EYS: variants seen among roughly 807,000 people sequenced by gnomAD.
EYS encodes the protein protein eyes shut homolog.
Under a neutral mutation model 282.1 loss-of-function variants are expected in EYS, and 250 were observed. That is an observed-to-expected ratio of 0.89 (90% CI 0.80 to 0.98). The LOEUF (loss-of-function observed/expected upper bound fraction) is 0.98. Ranked by LOEUF, EYS falls within the 50% of genes least tolerant of loss-of-function variation. The probability of loss-of-function intolerance (pLI) is 0.00; values close to 1 mark genes in which losing one functional copy is unlikely to be tolerated. For synonymous variants in EYS, 1,355 were observed against 1,282.9 expected (o/e 1.06, Z -1.20); for missense variants, 4,016 against 3,709.0 (o/e 1.08, Z -2.15).
chr6:64,607,670 G>C (rs1036930386), intron 24 of EYS, among the ~76,000 whole-genome samples: 1 of 152,084 alleles, frequency 6.6e-6, no homozygotes, highest in Non-Finnish European at 1.5e-5. Flanking sequence ...GGCCATAACA[G>C]AATAGATAAG....
chr6:65,173,056 G>A (rs1765142618), intron 12 of EYS, among the ~76,000 whole-genome samples: 1 of 151,118 alleles, frequency 6.6e-6, no homozygotes, highest in Non-Finnish European at 1.5e-5. Context: ...AGAATGTACA[G>A]CTTTATCAAG....
At chr6:64,529,173 T>A (rs1179940395) in intron 26 of EYS, among the ~76,000 whole-genome samples, 1 of 152,068 alleles carries the variant, frequency 6.6e-6, no homozygotes, top group Admixed American at 6.6e-5. Context: ...AACAAAGTAA[T>A]CCATGCCTAA....
At chr6:65,252,524 T>G (rs1767352803) in intron 12 of EYS, among the ~76,000 whole-genome samples, 1 of 151,936 alleles carries the variant, frequency 6.6e-6, no homozygotes, top group Non-Finnish European at 1.5e-5. Flanking sequence ...TTAAATAAGA[T>G]CCAGCGTCTC....
chr6:63,913,517 T>C (rs1365284152), intron 35 of EYS, among the ~76,000 whole-genome samples: 2 of 152,228 alleles, frequency 1.3e-5, no homozygotes, highest in Non-Finnish European at 2.9e-5. Flanking sequence ...TCCTTAGTTT[T>C]AGGCAACTAC....
chr6:65,382,560 CT>C (rs1562139330), intron 8 of EYS, among the ~76,000 whole-genome samples: 1 of 147,682 alleles, frequency 6.8e-6, no homozygotes, highest in East Asian at 2.0e-4. Flanking sequence ...GGGGACAGAA[CT>C]AATAGGATAG....
chr6:63,900,982 T>C (rs1243557030), intron 35 of EYS, among the ~76,000 whole-genome samples: 1 of 152,158 alleles, frequency 6.6e-6, no homozygotes, highest in African/African-American at 2.4e-5. Flanking sequence ...ACAAAAAAAG[T>C]ATGAGACCTG....
intron 28 of EYS, among the ~76,000 whole-genome samples, chr6:64,389,125 A>G (rs933563924): frequency 3.9e-5 from 6 of 152,220 alleles, no homozygotes. Flanking sequence ...ACAATGATGG[A>G]TTATAATATT....
intron 2 of EYS, among the ~76,000 whole-genome samples, chr6:65,542,551 T>C (rs983555383): frequency 7.9e-5 from 12 of 151,934 alleles, no homozygotes; most frequent in Admixed American, 5.9e-4. Flanking sequence ...ACACCAATCA[T>C]ATGTTCACTG....
intron 41 of EYS, among the ~76,000 whole-genome samples, chr6:63,761,299 T>G (rs1769635682): frequency 1.3e-5 from 2 of 152,014 alleles, no homozygotes; most frequent in Admixed American, 6.6e-5. Context: ...AGATCAAGAT[T>G]GATCCCTAAT....
chr6:64,330,978 C>T (rs2150390381), intron 29 of EYS, among the ~76,000 whole-genome samples: 1 of 152,206 alleles, frequency 6.6e-6, no homozygotes, highest in Middle Eastern at 3.4e-3. Context: ...AAAGGACCAG[C>T]CCTTAAAATA....
intron 12 of EYS, among the ~76,000 whole-genome samples, chr6:65,084,107 G>T (rs1256617420): frequency 1.3e-5 from 2 of 151,984 alleles, no homozygotes; most frequent in African/African-American, 4.8e-5. Flanking sequence ...GTTCAAATTA[G>T]CATGTCAGCA....
chr6:64,411,972 A>ATGCATATAT (rs1773914513), intron 28 of EYS, among the ~76,000 whole-genome samples: 1 of 87,210 alleles, frequency 1.1e-5, no homozygotes, highest in African/African-American at 3.6e-5. Flanking sequence ...TATATATACA[A>ATGCATATAT]GTATATATAA....
chr6:65,190,476 C>T (rs1026328810), intron 12 of EYS, among the ~76,000 whole-genome samples: 2 of 151,252 alleles, frequency 1.3e-5, no homozygotes, highest in Non-Finnish European at 3.0e-5. Flanking sequence ...ATTTTCATGA[C>T]CCCTAAGTGC....
chr6:64,249,170 T>C (rs1370868264), intron 30 of EYS, among the ~76,000 whole-genome samples: 1 of 151,988 alleles, frequency 6.6e-6, no homozygotes, highest in Non-Finnish European at 1.5e-5. Context: ...AATAGATTAT[T>C]GGACAAAGAA....
intron 31 of EYS, among the ~76,000 whole-genome samples, chr6:64,189,336 G>C (rs1765038591): frequency 6.6e-6 from 1 of 152,086 alleles, no homozygotes; most frequent in South Asian, 2.1e-4. Flanking sequence ...GCTAAGAATA[G>C]TTTTTATATT....
intron 26 of EYS, among the ~76,000 whole-genome samples, chr6:64,485,997 C>T (rs945336547): frequency 5.9e-5 from 9 of 151,344 alleles, no homozygotes; most frequent in African/African-American, 2.2e-4. Flanking sequence ...AAATTATATG[C>T]TGGTTTTAAA....
chr6:65,544,544 A>G (rs930720618), intron 2 of EYS, among the ~76,000 whole-genome samples: 1 of 152,050 alleles, frequency 6.6e-6, no homozygotes, highest in Non-Finnish European at 1.5e-5. Context: ...TGCTGTCACC[A>G]TGTGAAGAAG....
At chr6:65,588,540 T>C (rs1475820976) in intron 2 of EYS, among the ~76,000 whole-genome samples, 2 of 150,346 alleles carry the variant, frequency 1.3e-5, no homozygotes, top group African/African-American at 4.8e-5. Context: ...TTTCTAAACC[T>C]TCCCCCTGTC....
chr6:64,161,574 A>G lies in EYS; in HGVS notation c.6424+69018T>C, dbSNP rs935705671. Among the ~76,000 whole-genome samples the G allele has an allele frequency of 3.9e-5, 6 of 152,200 alleles. No homozygotes were observed. The East Asian group carries it at 9.6e-4, about 24-fold the overall frequency. Reference sequence around the variant, plus strand: ...TGAAGTATGTTTTATGTTAACTTTGAAAGAAGATAAAAGGCACTCATGATT... The same window carrying G: ...TGAAGTATGTTTTATGTTAACTTTGGAAGAAGATAAAAGGCACTCATGATT... On this transcript the variant is annotated intron_variant, in intron 31 of 42. Coordinates refer to ENST00000503581, the MANE Select transcript of EYS (RefSeq NM_001142800.2).
Sources: allele counts gnomAD v4.1 joint callset (sites outside exome capture counted in the v4.1 genomes callset), GRCh38; gene constraint gnomAD v4.1.1; transcripts MANE v1.5; gene names NCBI Gene and HGNC (gene_info 2026-07-23, HGNC 2026-07-21).